Variants in GSK3B observed in about 807,000 individuals in gnomAD.
GSK3B encodes glycogen synthase kinase 3 beta.
Under a neutral mutation model 56.4 loss-of-function variants are expected in GSK3B, and 15 were observed. That is an observed-to-expected ratio of 0.27 (90% confidence interval 0.18 to 0.41). The LOEUF is 0.41. Ranked by LOEUF, GSK3B falls within the 10% of genes least tolerant of loss-of-function variation. The probability of loss-of-function intolerance (pLI) is 1.00; values close to 1 mark genes in which losing one functional copy is unlikely to be tolerated. For missense variants in GSK3B, 300 were observed against 513.4 expected (o/e 0.58, Z 4.02); for synonymous variants, 181 against 188.9 (o/e 0.96, Z 0.34).
chr3:119,861,430 G>C (rs944537011), intron 9 of GSK3B, among the ~76,000 whole-genome samples: 6 of 151,372 alleles, frequency 4.0e-5, no homozygotes, highest in African/African-American at 1.2e-4. Flanking sequence ...AGAATTGTTT[G>C]AATCTGGGAG....
At chr3:119,983,856 C>G (rs2057487763) in intron 2 of GSK3B, among the ~76,000 whole-genome samples, 1 of 152,180 alleles carries the variant, frequency 6.6e-6, no homozygotes, top group Admixed American at 6.5e-5. Context: ...ACAAGCAGAC[C>G]TAATAGACAT....
At chr3:119,973,044 C>T (rs1352873802) in intron 2 of GSK3B, among the ~76,000 whole-genome samples, 2 of 152,126 alleles carry the variant, frequency 1.3e-5, no homozygotes, top group African/African-American at 2.4e-5. Context: ...GGAACTACTG[C>T]TAATCGTAAA....
intron 1 of GSK3B, among the ~76,000 whole-genome samples, chr3:120,084,963 G>GC (rs1179746012): frequency 6.6e-6 from 1 of 152,120 alleles, no homozygotes; most frequent in Non-Finnish European, 1.5e-5. Context: ...TACACAAAAT[G>GC]CAAGTCTACT....
At chr3:119,843,228 T>C in intron 10 of GSK3B, 27 bp downstream of exon 10, 1 of 1,475,746 alleles carries the variant, frequency 6.8e-7, no homozygotes, top group Non-Finnish European at 9.4e-7. Flanking sequence ...AATATGTTTT[T>C]ATAGAAGAGA....
At position 119,822,313 on chromosome 3, in the gene GSK3B, G is replaced by C. The variant is rs993696434; in HGVS notation, c.*4475C>G. The stretch of plus-strand genomic sequence containing the variant: ...TTGTTTTTAAGATGGAAGTGGTCAC[G>C]CTAATTGGTATGTGTACAGGCCCAA... On this transcript the variant is annotated 3_prime_UTR_variant, in exon 11 of 11. Transcript: ENST00000264235. 1 of 190,652 alleles carries C rather than the reference G, an allele frequency of 5.2e-6. No homozygotes were observed. Among genetic ancestry groups the C allele is most frequent in the African/African-American group, 2.4e-5 (1 of 42,508 alleles). The allele number at this position is 190,652 out of a possible 1,614,324, so 11.8% of individuals were successfully genotyped here. A position where few individuals can be genotyped will look rare whatever the true frequency, so the allele number is the denominator to read the frequency against.
intron 2 of GSK3B, among the ~76,000 whole-genome samples, chr3:119,949,793 C>CAAA (rs927567102): frequency 0.012 from 763 of 61,760 alleles, 33 homozygotes; most frequent in African/African-American, 0.033. Context: ...GACTCCGTCT[C>CAAA]AAAAAAAAAA....
intron 3 of GSK3B, among the ~76,000 whole-genome samples, chr3:119,945,374 C>A (rs1244851180): frequency 6.6e-6 from 1 of 152,038 alleles, no homozygotes; most frequent in African/African-American, 2.4e-5. Context: ...AGGTCTATTA[C>A]TTTTTATAAT....
At chr3:119,881,822 CG>C (rs1341529822) in intron 7 of GSK3B, among the ~76,000 whole-genome samples, 1 of 152,176 alleles carries the variant, frequency 6.6e-6, no homozygotes, top group African/African-American at 2.4e-5. Flanking sequence ...AACTGAATCA[CG>C]GCAGTAGTTT....
At chr3:119,957,121 A>G (rs1232110714) in intron 2 of GSK3B, among the ~76,000 whole-genome samples, 1 of 152,242 alleles carries the variant, frequency 6.6e-6, no homozygotes, top group Admixed American at 6.5e-5. Flanking sequence ...CTTAGTACAT[A>G]TACATAGTGG....
chr3:119,992,226 T>A (rs1296688245), intron 2 of GSK3B, among the ~76,000 whole-genome samples: 1 of 151,904 alleles, frequency 6.6e-6, no homozygotes, highest in African/African-American at 2.4e-5. Flanking sequence ...TACTATAAAG[T>A]CTCTATAATC....
chr3:119,888,880 G>A (rs529268918), intron 7 of GSK3B, among the ~76,000 whole-genome samples: 12 of 152,092 alleles, frequency 7.9e-5, no homozygotes, highest in Non-Finnish European at 1.0e-4. Flanking sequence ...ACTGAAATCC[G>A]CCCTGGTCTC....
intron 4 of GSK3B, among the ~76,000 whole-genome samples, chr3:119,918,667 A>C (rs1180568347): frequency 6.6e-6 from 1 of 151,968 alleles, no homozygotes. Flanking sequence ...TCTTGCAACC[A>C]CTCTGAGATA....
intron 2 of GSK3B, among the ~76,000 whole-genome samples, chr3:119,970,497 C>G (rs775396823): frequency 4.0e-5 from 6 of 151,628 alleles, no homozygotes; most frequent in African/African-American, 1.5e-4. Flanking sequence ...ATCAGCCGGG[C>G]GCGGTGGCTC....
chr3:120,036,417 G>C (rs1036189077), intron 1 of GSK3B, among the ~76,000 whole-genome samples: 7 of 152,110 alleles, frequency 4.6e-5, no homozygotes, highest in African/African-American at 1.4e-4. Context: ...TACCCCCAGA[G>C]TATCGCCAAT....
rs368218341 is a variant in GSK3B, at chr3:120,015,311, T to C, written c.89-13072A>G. ...TATCACGGTACTTATCACAATGCCC[T>C]ATAATTAAAAGTCTGAACCCCTTAC... On this transcript the variant is annotated intron_variant, in intron 1 of 10. Transcript: ENST00000264235. 7.2e-5 allele frequency among the ~76,000 whole-genome samples: 11 copies of C among 152,298 alleles called. No homozygotes were observed. In the East Asian group the frequency reaches 1.7e-3, roughly 24 times the overall value.
intron 2 of GSK3B, among the ~76,000 whole-genome samples, chr3:120,001,151 G>A (rs559855003): frequency 2.1e-5 from 1 of 48,412 alleles, no homozygotes; most frequent in East Asian, 5.9e-4. Flanking sequence ...GATCAAGGGG[G>A]TCAACCACTC....
chr3:120,085,760 T>G (rs1490405604), intron 1 of GSK3B, among the ~76,000 whole-genome samples: 1 of 151,910 alleles, frequency 6.6e-6, no homozygotes. Flanking sequence ...GAGCCAAGAT[T>G]GTGCCACTGC....
intron 1 of GSK3B, among the ~76,000 whole-genome samples, chr3:120,004,058 C>A (rs1437539858): frequency 6.6e-6 from 1 of 152,250 alleles, no homozygotes; most frequent in East Asian, 1.9e-4. Flanking sequence ...CTGCACTTTC[C>A]CAATGCTCTT....
chr3:119,904,461 G>C (rs1011820271), intron 7 of GSK3B, among the ~76,000 whole-genome samples: 2 of 152,276 alleles, frequency 1.3e-5, no homozygotes, highest in South Asian at 4.1e-4. Flanking sequence ...GCTGCAAATT[G>C]TAAGAAATTA....
Sources: gnomAD v4.1 joint callset for allele counts (sites outside exome capture counted in the v4.1 genomes callset) on GRCh38, gnomAD v4.1.1 for gene constraint, MANE v1.5 for transcripts, NCBI Gene and HGNC (gene_info 2026-07-23, HGNC 2026-07-21) for gene names.